SLC4A4: variants seen among roughly 807,000 people sequenced by gnomAD.
The protein encoded by SLC4A4 is solute carrier family 4 member 4.
In SLC4A4, 27 loss-of-function variants were observed where a neutral mutation model predicts 111.5. The ratio of observed to expected loss-of-function variants is 0.24; its 90% CI spans 0.18 to 0.33. SLC4A4 has a LOEUF of 0.33. Ranked by LOEUF, SLC4A4 falls within the 10% of genes least tolerant of loss-of-function variation. The pLI is 1.00. For missense variants in SLC4A4, 909 were observed against 1,315.5 expected, an observed-to-expected ratio of 0.69 and a Z score of 4.78; for synonymous variants, 443 against 463.4, an observed-to-expected ratio of 0.96 and a Z score of 0.57.
At chr4:71,284,047 A>T (rs1001128345) in intron 3 of SLC4A4, among the ~76,000 whole-genome samples, 13 of 152,198 alleles carry the variant, frequency 8.5e-5, no homozygotes, top group Admixed American at 4.6e-4. Flanking sequence ...CACGGTGATA[A>T]GGGTAGTAAG....
intron 2 of SLC4A4, among the ~76,000 whole-genome samples, chr4:71,241,307 T>A (rs554496549): frequency 6.6e-6 from 1 of 152,256 alleles, no homozygotes; most frequent in Non-Finnish European, 1.5e-5. Context: ...TAAACACCTC[T>A]GCTTTATCAA....
chr4:71,143,940 C>T (rs1045248345), intron 2 of SLC4A4, among the ~76,000 whole-genome samples: 1 of 152,074 alleles, frequency 6.6e-6, no homozygotes, highest in African/African-American at 2.4e-5. Context: ...TGCAGAAGCT[C>T]TTGAGTTTAA....
chr4:71,255,123 T>C (rs1721348686), intron 2 of SLC4A4, 97 bp from the exon 3 acceptor site: 3 of 1,166,928 alleles, frequency 2.6e-6, no homozygotes, highest in Non-Finnish European at 3.9e-6. Flanking sequence ...TAACGTTGAA[T>C]TTATAGACAT....
intron 2 of SLC4A4, among the ~76,000 whole-genome samples, chr4:71,152,199 C>G (rs956966088): frequency 6.6e-6 from 1 of 152,176 alleles, no homozygotes; most frequent in Non-Finnish European, 1.5e-5. Flanking sequence ...GTCTCTCCTT[C>G]TGTATTCCCT....
At chr4:71,139,220 T>TGTGTGTGTGTGTG (rs1438735824) in intron 2 of SLC4A4, among the ~76,000 whole-genome samples, 1 of 146,570 alleles carries the variant, frequency 6.8e-6, no homozygotes, top group African/African-American at 2.5e-5. Flanking sequence ...TGTGTGTGTA[T>TGTGTGTGTGTGTG]TTCTGGCAGC....
At chr4:71,270,026 T>C (rs1055833590) in intron 3 of SLC4A4, among the ~76,000 whole-genome samples, 1 of 152,226 alleles carries the variant, frequency 6.6e-6, no homozygotes, top group Admixed American at 6.5e-5. Context: ...TTAGTTATTA[T>C]CATTAAGTAA....
chr4:71,324,106 A>G (rs1053625051), intron 3 of SLC4A4, among the ~76,000 whole-genome samples: 2 of 151,956 alleles, frequency 1.3e-5, no homozygotes, highest in African/African-American at 4.8e-5. Flanking sequence ...ATTAGGGGGA[A>G]TGCAGTCTTA....
intron 3 of SLC4A4, among the ~76,000 whole-genome samples, chr4:71,313,814 C>A (rs188320545): frequency 9.9e-5 from 15 of 152,082 alleles, no homozygotes; most frequent in Admixed American, 9.8e-4. Flanking sequence ...ACTGTAAAAA[C>A]CCCAGAAGAA....
In SLC4A4 at chr4:71,483,638, G is replaced by A. The variant is rs145825676; in HGVS notation, c.1904-3310G>A. Among the ~76,000 whole-genome samples, 143 of 151,630 alleles carry A rather than the reference G, an allele frequency of 9.4e-4. 1 individual carries two copies. The highest frequency in any genetic ancestry group is 3.3e-3 in the African/African-American group (137 of 41,460). ...GGATAGTGCTACAGTGAACATAGGT[G>A]TACATGTGTCTTTGAAATAGAACAA... On this transcript the variant is annotated intron_variant, in intron 14 of 25. Coordinates refer to ENST00000264485, the MANE Select transcript of SLC4A4 (RefSeq NM_001098484.3).
At chr4:71,551,082 G>A (rs143198197) in intron 20 of SLC4A4, among the ~76,000 whole-genome samples, 4 of 151,962 alleles carry the variant, frequency 2.6e-5, no homozygotes, top group African/African-American at 9.6e-5. Context: ...TGGTAAGTGA[G>A]TATTCTGTAT....
At chr4:71,203,307 T>C (rs1473185427) in intron 1 of SLC4A4, among the ~76,000 whole-genome samples, 1 of 152,214 alleles carries the variant, frequency 6.6e-6, no homozygotes, top group Non-Finnish European at 1.5e-5. Context: ...ATAATGCTAG[T>C]GTAGCTTTTA....
At chr4:71,300,292 TA>T (rs1164746802) in intron 3 of SLC4A4, 1 of 215,672 alleles carries the variant, frequency 4.6e-6, no homozygotes, top group Non-Finnish European at 9.8e-6. Context: ...ACGGCCAGGC[TA>T]ATGATGAGCA....
Position 71,280,312 on chromosome 4 carries a change from G to C in SLC4A4, c.253+24913G>C, listed in dbSNP as rs118144491. Among the ~76,000 whole-genome samples, 82 of 152,218 alleles carry C rather than the reference G, an allele frequency of 5.4e-4. No homozygotes were observed. In the East Asian group the frequency reaches 0.014, roughly 27 times the overall value. ...TATTTTAGTTCTTAACCCCGTATTAGATATATGGTTTATGAATATTTTCTT... is the reference window on the plus strand; with the variant it reads ...TATTTTAGTTCTTAACCCCGTATTACATATATGGTTTATGAATATTTTCTT... On this transcript the variant is annotated intron_variant, in intron 3 of 25. Transcript: ENST00000264485.
rs1169489768 is a variant in SLC4A4, at chr4:71,451,292, G to A, written c.1313G>A (p.Arg438Gln). Residue 438 changes from arginine to glutamine, a missense_variant, in exon 11 of 26, where the codon CGA becomes CAA. Physicochemically the swap from Arg to Gln is conservative, Grantham distance 43. Coordinates refer to ENST00000264485, the MANE Select transcript of SLC4A4 (RefSeq NM_001098484.3). ...GGHGDCEELQ[R>Q]TGRFCGGLIK... Reference sequence around the variant, plus strand: ...CATGGGGATTGTGAAGAATTGCAGCGAACTGGACGGTAACTGACAGTTTCC... The same window carrying A: ...CATGGGGATTGTGAAGAATTGCAGCAAACTGGACGGTAACTGACAGTTTCC... The A allele has an allele frequency of 6.2e-7, 1 of 1,602,116 alleles. No homozygotes were observed. The highest frequency in any genetic ancestry group is 1.7e-4 in the Middle Eastern group (1 of 6,040).
At chr4:71,442,756 G>T (rs1724845362) in intron 8 of SLC4A4, among the ~76,000 whole-genome samples, 1 of 152,006 alleles carries the variant, frequency 6.6e-6, no homozygotes, top group African/African-American at 2.4e-5. Context: ...CCATTATTAT[G>T]ATTATTTCTG....
At chr4:71,244,755 A>C (rs1214565964) in intron 2 of SLC4A4, among the ~76,000 whole-genome samples, 1 of 145,174 alleles carries the variant, frequency 6.9e-6, no homozygotes, top group Admixed American at 7.3e-5. Context: ...ACTAAATTTA[A>C]GTAACTGATG....
At chr4:71,507,870 G>GA (rs901542603) in intron 16 of SLC4A4, among the ~76,000 whole-genome samples, 4 of 152,064 alleles carry the variant, frequency 2.6e-5, no homozygotes, top group Admixed American at 6.6e-5. Context: ...AGATGCAAAA[G>GA]AACTGAAATC....
At chr4:71,348,519 G>A (rs1729529256) in intron 4 of SLC4A4, among the ~76,000 whole-genome samples, 1 of 152,152 alleles carries the variant, frequency 6.6e-6, no homozygotes, top group South Asian at 2.1e-4. Flanking sequence ...AGGATACAGG[G>A]AGAAGAAGGA....
intron 1 of SLC4A4, among the ~76,000 whole-genome samples, chr4:71,223,239 G>T (rs988891778): frequency 1.3e-5 from 2 of 151,012 alleles, no homozygotes; most frequent in African/African-American, 4.9e-5. Flanking sequence ...GCAGTGGCGC[G>T]ATCTCAGCTC....
Sources: allele counts gnomAD v4.1 joint callset (sites outside exome capture counted in the v4.1 genomes callset), GRCh38; gene constraint gnomAD v4.1.1; transcripts MANE v1.5; gene names NCBI Gene and HGNC (gene_info 2026-07-23, HGNC 2026-07-21).